The following CCDC192 variants were observed in gnomAD, a reference collection of about 807,000 sequenced individuals.
CCDC192 encodes the protein coiled-coil domain containing 192.
At chr5:127,734,182 T>C (rs1752825208) in intron 2 of CCDC192, among the ~76,000 whole-genome samples, 1 of 150,096 alleles carries the variant, frequency 6.7e-6, no homozygotes, top group African/African-American at 2.5e-5. Context: ...CAGTGTTTGG[T>C]TTTTTGTTCT....
intron 2 of CCDC192, among the ~76,000 whole-genome samples, chr5:127,742,561 C>T (rs1390445680): frequency 6.6e-6 from 1 of 152,174 alleles, no homozygotes; most frequent in African/African-American, 2.4e-5. Context: ...ATTCAATTCA[C>T]AATTTAACAG....
chr5:127,735,045 G>T (rs1349383197), intron 2 of CCDC192, among the ~76,000 whole-genome samples: 1 of 133,340 alleles, frequency 7.5e-6, no homozygotes, highest in Non-Finnish European at 1.6e-5. Context: ...TTCTTCTAGG[G>T]TTTTTATGGT....
intron 6 of CCDC192, among the ~76,000 whole-genome samples, chr5:127,898,084 G>A (rs1752942318): frequency 1.3e-5 from 2 of 151,944 alleles, no homozygotes; most frequent in Admixed American, 1.3e-4. Context: ...TATTTAATGG[G>A]GCCTGAAAGA....
At chr5:127,786,554 T>A (rs1756549355) in intron 3 of CCDC192, 2 of 672,502 alleles carry the variant, frequency 3.0e-6, no homozygotes, top group Admixed American at 4.0e-5. Flanking sequence ...TCTCTCCAAG[T>A]CACCAATGCA....
At chr5:127,815,796 AG>A (rs1202572250) in intron 5 of CCDC192, among the ~76,000 whole-genome samples, 1 of 152,050 alleles carries the variant, frequency 6.6e-6, no homozygotes, top group African/African-American at 2.4e-5. Flanking sequence ...TGAACCTGGG[AG>A]GCGGAGCTTG....
chr5:127,706,403 T>C (rs1298924228), intron 1 of CCDC192, among the ~76,000 whole-genome samples: 1 of 151,876 alleles, frequency 6.6e-6, no homozygotes, highest in African/African-American at 2.4e-5. Context: ...GGCATGTGCC[T>C]GTAATCCCAG....
chr5:127,703,968 C>G (rs1750820341), intron 1 of CCDC192, among the ~76,000 whole-genome samples: 1 of 152,194 alleles, frequency 6.6e-6, no homozygotes, highest in Admixed American at 6.5e-5. Flanking sequence ...TATGGAAGTA[C>G]AGTTCACTTC....
At chr5:127,707,150 A>C (rs531282823) in intron 1 of CCDC192, among the ~76,000 whole-genome samples, 1 of 152,344 alleles carries the variant, frequency 6.6e-6, no homozygotes, top group East Asian at 1.9e-4. Flanking sequence ...AAAAAGAAAG[A>C]AAACTAGAAG....
intron 3 of CCDC192, among the ~76,000 whole-genome samples, chr5:127,772,947 C>T (rs980674583): frequency 4.0e-5 from 6 of 151,866 alleles, no homozygotes; most frequent in African/African-American, 1.5e-4. Flanking sequence ...CTGGCAGCTT[C>T]TGTTTTTTTC....
At chr5:127,742,664 TGC>T (rs1753488718) in intron 2 of CCDC192, among the ~76,000 whole-genome samples, 1 of 152,234 alleles carries the variant, frequency 6.6e-6, no homozygotes. Flanking sequence ...CTCATAGGAC[TGC>T]CAACTTTTCA....
At chr5:127,763,447 C>T (rs1171241871) in intron 3 of CCDC192, among the ~76,000 whole-genome samples, 1 of 152,164 alleles carries the variant, frequency 6.6e-6, no homozygotes. Flanking sequence ...GTCCAGGCTA[C>T]CTTCTGCAGT....
chr5:127,814,183 G>A (rs1452116984), intron 5 of CCDC192, among the ~76,000 whole-genome samples: 1 of 152,188 alleles, frequency 6.6e-6, no homozygotes, highest in Non-Finnish European at 1.5e-5. Context: ...AGTAAGGGCA[G>A]GAGTGGGAGC....
At chr5:127,865,742 C>T (rs534376007) in intron 5 of CCDC192, among the ~76,000 whole-genome samples, 2 of 151,182 alleles carry the variant, frequency 1.3e-5, no homozygotes, top group Admixed American at 6.6e-5. Flanking sequence ...TGCAGTGAGA[C>T]CCCCAAAGTG....
At chr5:127,757,833 G>A (rs1202732908) in intron 3 of CCDC192, among the ~76,000 whole-genome samples, 1 of 142,178 alleles carries the variant, frequency 7.0e-6, no homozygotes, top group Admixed American at 6.9e-5. Context: ...CTGTGTGTAT[G>A]TGTGTGTGTG....
chr5:127,718,600 T>C (rs952990650), intron 2 of CCDC192, among the ~76,000 whole-genome samples: 2 of 152,210 alleles, frequency 1.3e-5, no homozygotes, highest in Non-Finnish European at 2.9e-5. Flanking sequence ...TATACATCCT[T>C]AGAGTTTAAG....
chr5:127,819,323 T>C (rs1378355174), intron 5 of CCDC192, among the ~76,000 whole-genome samples: 5 of 152,170 alleles, frequency 3.3e-5, no homozygotes, highest in African/African-American at 7.2e-5. Context: ...CACATAATTA[T>C]GTCAACAGAC....
At chr5:127,751,920 T>G (rs1754201919) in intron 2 of CCDC192, among the ~76,000 whole-genome samples, 1 of 152,166 alleles carries the variant, frequency 6.6e-6, no homozygotes, top group South Asian at 2.1e-4. Context: ...CTCCTGAGGC[T>G]TCTGCATTCT....
At chr5:127,796,087 C>T (rs1045936092) in intron 3 of CCDC192, among the ~76,000 whole-genome samples, 8 of 152,248 alleles carry the variant, frequency 5.3e-5, no homozygotes, top group African/African-American at 1.9e-4. Context: ...AGTGAATGAG[C>T]GTGTGGCTGG....
chr5:127,889,594 G>A (rs1752671639), intron 6 of CCDC192, among the ~76,000 whole-genome samples: 1 of 152,114 alleles, frequency 6.6e-6, no homozygotes, highest in South Asian at 2.1e-4. Context: ...TAGAGATGAG[G>A]TTTTACCATG....
Sources: allele counts gnomAD v4.1 joint callset (sites outside exome capture counted in the v4.1 genomes callset), GRCh38; gene constraint gnomAD v4.1.1; transcripts MANE v1.5; gene names NCBI Gene and HGNC (gene_info 2026-07-23, HGNC 2026-07-21).